ATP11A: variants seen among roughly 807,000 people sequenced by gnomAD.
ATP11A encodes the protein phospholipid-transporting ATPase IH.
In ATP11A, 81 loss-of-function variants were observed where a neutral mutation model predicts 154.4. The ratio of observed to expected loss-of-function variants is 0.52; its 90% confidence interval spans 0.44 to 0.63. ATP11A has a LOEUF of 0.63. Among genes scored for constraint, ATP11A ranks in the 30% least tolerant of loss-of-function variants. The probability of loss-of-function intolerance (pLI) is 0.00; values close to 1 mark genes in which losing one functional copy is unlikely to be tolerated. For missense variants in ATP11A, 1,316 were observed against 1,474.3 expected, an observed-to-expected ratio of 0.89 and a Z score of 1.76; for synonymous variants, 623 against 585.9, an observed-to-expected ratio of 1.06 and a Z score of -0.91.
Position 112,855,194 on chromosome 13 carries a change from T to G in ATP11A, c.2243+664T>G, listed in dbSNP as rs9603968. On this transcript the variant is annotated intron_variant, in intron 19 of 29. Coordinates refer to ENST00000375645, the MANE Select transcript of ATP11A (RefSeq NM_015205.3). ...AGAACTCCTTTTAGGGATTGGAGGG[T>G]TTTTTTTGTTGTTTTTTGTTTTTTG... Among the ~76,000 whole-genome samples the G allele has an allele frequency of 7.6e-3, 1,130 of 149,518 alleles. 22 individuals are homozygous for G. The highest frequency in any genetic ancestry group is 0.027 in the African/African-American group (1,064 of 40,032).
At position 112,836,151 on chromosome 13, in the gene ATP11A, G is replaced by A. The variant is rs758968597; in HGVS notation, c.1632-27G>A. On this transcript the variant is annotated intron_variant, in intron 15 of 29. Transcript: ENST00000375645. The stretch of plus-strand genomic sequence containing the variant: ...AATCACGTGAGCACCCGTGTGGACG[G>A]TGTGACCTTCTGCATTTCTCTTTCA... 40 of 1,578,644 alleles carry A rather than the reference G, an allele frequency of 2.5e-5. 1 individual carries two copies. The East Asian group carries it at 6.9e-4, about 27-fold the overall frequency.
chr13:112,810,648 A>G lies in ATP11A; in HGVS notation c.363A>G (p.Ala121=), dbSNP rs11616247. Residue 121 remains alanine (A), a synonymous_variant, in exon 5 of 30, where the codon GCA becomes GCG. Coordinates refer to ENST00000375645, the MANE Select transcript of ATP11A (RefSeq NM_015205.3). ...ATGAAGACTGGCTTCGACATAAAGC[A>G]GACAATGCCATGAACCAGTGTCCTG... ...QGYEDWLRHK[A]DNAMNQCPVH... is the part of the protein sequence containing the mutation. 41,513 of 1,613,988 alleles carry G rather than the reference A, an allele frequency of 0.026. 647 individuals carry two copies. Among genetic ancestry groups the G allele is most frequent in the Non-Finnish European group, 0.031 (36,833 of 1,179,878 alleles).
At chr13:112,832,760 C>A (rs2079129638) in intron 13 of ATP11A, 100 bp from the exon 14 acceptor site, 4 of 1,265,560 alleles carry the variant, frequency 3.2e-6, no homozygotes, top group East Asian at 2.5e-5. Flanking sequence ...GCCGCGGGGA[C>A]CCCCCCCACC....
At chr13:112,727,654 T>C (rs1594440382) in intron 1 of ATP11A, among the ~76,000 whole-genome samples, 1 of 152,182 alleles carries the variant, frequency 6.6e-6, no homozygotes, top group Non-Finnish European at 1.5e-5. Context: ...CCACACACCA[T>C]GCAGGGCCCG....
intron 27 of ATP11A, 72 bp downstream of exon 27, chr13:112,873,748 GAC>G: frequency 6.8e-7 from 1 of 1,467,012 alleles, no homozygotes. Flanking sequence ...AAGGGTTGAA[GAC>G]ACATTTTCCG....
chr13:112,699,283 G>GT (rs1420338622), intron 1 of ATP11A, among the ~76,000 whole-genome samples: 1 of 152,164 alleles, frequency 6.6e-6, no homozygotes, highest in African/African-American at 2.4e-5. Context: ...CTCTGAATGT[G>GT]TTTAAGTAAC....
chr13:112,836,910 G>A (rs755125885), intron 16 of ATP11A, among the ~76,000 whole-genome samples: 23 of 152,320 alleles, frequency 1.5e-4, no homozygotes, highest in Non-Finnish European at 1.2e-4. Flanking sequence ...AGTCCAGGTG[G>A]ATGCATCTGT....
intron 28 of ATP11A, among the ~76,000 whole-genome samples, chr13:112,877,874 G>A (rs2080776461): frequency 6.6e-6 from 1 of 152,192 alleles, no homozygotes; most frequent in Non-Finnish European, 1.5e-5. Context: ...GAATGCCAGT[G>A]AGGACCCTCC....
rs748401969 is a variant in ATP11A at position 112,781,784 on chromosome 13, CAAAA to C, written c.40-3335_40-3332del. 3.2e-3 allele frequency among the ~76,000 whole-genome samples: 326 copies of C among 101,338 alleles called. 2 individuals are homozygous for C. Among genetic ancestry groups the C allele is most frequent in the African/African-American group, 0.011 (308 of 28,856 alleles). The allele number at this position is 101,338 out of a possible 152,430, so 66.5% of individuals were successfully genotyped here. ...TCTTAATAAACTTGCTTTCACTTTG[CAAAA>C]AAAAAAAAAAAAAAAGAATTTGAAC... On this transcript the variant is annotated intron_variant, in intron 1 of 29. Transcript: ENST00000375645.
chr13:112,708,952 C>G (rs1397582015), intron 1 of ATP11A, among the ~76,000 whole-genome samples: 1 of 152,124 alleles, frequency 6.6e-6, no homozygotes, highest in Admixed American at 6.5e-5. Flanking sequence ...CTTGAAGACC[C>G]TCTGGGGCAG....
At chr13:112,701,335 C>A (rs1478542053) in intron 1 of ATP11A, among the ~76,000 whole-genome samples, 1 of 152,080 alleles carries the variant, frequency 6.6e-6, no homozygotes, top group South Asian at 2.1e-4. Context: ...CAGTGTCTGG[C>A]GTTTGGCAGT....
chr13:112,825,850 A>G (rs1284399342), intron 11 of ATP11A, among the ~76,000 whole-genome samples: 2 of 152,186 alleles, frequency 1.3e-5, no homozygotes, highest in Non-Finnish European at 2.9e-5. Context: ...CTTTGTTTAG[A>G]GAGTGCTGAG....
chr13:112,851,406 G>A (rs935393779), intron 18 of ATP11A, 188 bp downstream of exon 18: 27 of 489,664 alleles, frequency 5.5e-5, no homozygotes, highest in Middle Eastern at 5.2e-4. Flanking sequence ...ATGCCTGGGG[G>A]ATATTTTGTT....
chr13:112,791,789 G>A lies in ATP11A; in HGVS notation c.162+6532G>A, dbSNP rs575812518. On this transcript the variant is annotated intron_variant, in intron 2 of 29. Coordinates refer to ENST00000375645, the MANE Select transcript of ATP11A (RefSeq NM_015205.3). Reference sequence around the variant, plus strand: ...CCCTGTGGAACTGGAGCCCCTCAAGGTCTCTTCAGTTTCTGATCCGGGGAG... The same window carrying A: ...CCCTGTGGAACTGGAGCCCCTCAAGATCTCTTCAGTTTCTGATCCGGGGAG... Among the ~76,000 whole-genome samples, 4 of 152,260 alleles carry A rather than the reference G, an allele frequency of 2.6e-5. No individual in the cohort carries two copies. In the South Asian group the frequency reaches 6.2e-4, roughly 24 times the overall value.
At chr13:112,843,497 C>T (rs1430392731) in intron 17 of ATP11A, among the ~76,000 whole-genome samples, 1 of 152,202 alleles carries the variant, frequency 6.6e-6, no homozygotes, top group East Asian at 1.9e-4. Flanking sequence ...GAAACAGTAA[C>T]TGACAGGCTC....
At chr13:112,723,179 G>GT (rs1377638739) in intron 1 of ATP11A, among the ~76,000 whole-genome samples, 6 of 150,856 alleles carry the variant, frequency 4.0e-5, no homozygotes, top group African/African-American at 9.8e-5. Context: ...ACAGAGTCTG[G>GT]TTTTTTTTCT....
At chr13:112,801,791 A>G (rs1025934558) in intron 2 of ATP11A, among the ~76,000 whole-genome samples, 1 of 152,216 alleles carries the variant, frequency 6.6e-6, no homozygotes, top group Non-Finnish European at 1.5e-5. Flanking sequence ...ACTTAAATTA[A>G]TGGAGAGATG....
chr13:112,720,034 G>A (rs1888973265), intron 1 of ATP11A, among the ~76,000 whole-genome samples: 1 of 152,240 alleles, frequency 6.6e-6, no homozygotes, highest in Non-Finnish European at 1.5e-5. Context: ...CTGTGGATAA[G>A]GGATTGATCA....
chr13:112,774,064 C>G (rs1006382043), intron 1 of ATP11A, among the ~76,000 whole-genome samples: 3 of 152,234 alleles, frequency 2.0e-5, no homozygotes, highest in Non-Finnish European at 4.4e-5. Flanking sequence ...CTAGGAATTC[C>G]CTCCTGTGTC....
Sources: allele counts gnomAD v4.1 joint callset (sites outside exome capture counted in the v4.1 genomes callset), GRCh38; gene constraint gnomAD v4.1.1; transcripts MANE v1.5; gene names NCBI Gene and HGNC (gene_info 2026-07-23, HGNC 2026-07-21).